RGL1: variants seen among roughly 807,000 people sequenced by gnomAD.
The protein encoded by RGL1 is ral guanine nucleotide dissociation stimulator like 1.
A neutral mutation model predicts 95.2 loss-of-function variants in RGL1; 24 were observed. That is an observed-to-expected ratio of 0.25 (90% CI 0.18 to 0.35). The LOEUF is 0.35. Ranked by LOEUF, RGL1 falls within the 10% of genes least tolerant of loss-of-function variation. The pLI is 1.00. For missense variants in RGL1, 715 were observed against 936.3 expected, an observed-to-expected ratio of 0.76 and a Z score of 3.08; for synonymous variants, 329 against 344.9, an observed-to-expected ratio of 0.95 and a Z score of 0.51.
intron 2 of RGL1, among the ~76,000 whole-genome samples, chr1:183,800,060 T>C (rs896828996): frequency 3.9e-5 from 6 of 152,194 alleles, no homozygotes; most frequent in African/African-American, 7.2e-5. Context: ...GTCAGACTCT[T>C]GGTTGGCAAG....
At chr1:183,714,929 T>A (rs1374337314) in intron 1 of RGL1, among the ~76,000 whole-genome samples, 1 of 151,838 alleles carries the variant, frequency 6.6e-6, no homozygotes, top group Non-Finnish European at 1.5e-5. Context: ...TGAACTGGGG[T>A]GGAGTGAGGA....
intron 1 of RGL1, among the ~76,000 whole-genome samples, chr1:183,727,787 A>G (rs1251715712): frequency 6.6e-6 from 1 of 152,214 alleles, no homozygotes; most frequent in African/African-American, 2.4e-5. Context: ...TTGCATTTCT[A>G]TATATTAGCA....
intron 1 of RGL1, among the ~76,000 whole-genome samples, chr1:183,694,397 T>A (rs1342945156): frequency 6.6e-6 from 1 of 152,228 alleles, no homozygotes; most frequent in African/African-American, 2.4e-5. Context: ...ACCCATATTC[T>A]TTACATTAAA....
At chr1:183,792,683 A>G (rs1660493347) in intron 2 of RGL1, among the ~76,000 whole-genome samples, 1 of 152,144 alleles carries the variant, frequency 6.6e-6, no homozygotes, top group Admixed American at 6.5e-5. Flanking sequence ...CTAGCTGAAA[A>G]AGAAATAAAG....
At chr1:183,721,828 C>G (rs1558172070) in intron 1 of RGL1, among the ~76,000 whole-genome samples, 1 of 152,164 alleles carries the variant, frequency 6.6e-6, no homozygotes, top group Non-Finnish European at 1.5e-5. Context: ...GGTTTAGCTC[C>G]CTTGCCTACT....
intron 1 of RGL1, among the ~76,000 whole-genome samples, chr1:183,691,338 G>A (rs1312993683): frequency 6.6e-6 from 1 of 152,190 alleles, no homozygotes; most frequent in Non-Finnish European, 1.5e-5. Context: ...AGATAGGAGT[G>A]ATGGATTTCT....
intron 15 of RGL1, among the ~76,000 whole-genome samples, chr1:183,915,787 C>G (rs1450338361): frequency 1.3e-5 from 2 of 152,176 alleles, no homozygotes; most frequent in Admixed American, 6.5e-5. Flanking sequence ...ACAGGCTGAG[C>G]CTTGGCCATG....
chr1:183,821,121 G>A lies in RGL1; in HGVS notation c.138+14636G>A, dbSNP rs369866851. On this transcript the variant is annotated intron_variant, in intron 2 of 17. Transcript: ENST00000360851. ...GCAGTCCAGCCTGGGCGACAAGAGCGAAACTCCGTCTAAAATAATAATAAT... is the reference window on the plus strand; with the variant it reads ...GCAGTCCAGCCTGGGCGACAAGAGCAAAACTCCGTCTAAAATAATAATAAT... Among the ~76,000 whole-genome samples the A allele has an allele frequency of 1.1e-3, 170 of 149,994 alleles. 1 individual carries two copies. Among genetic ancestry groups the A allele is most frequent in the Middle Eastern group, 3.4e-3 (1 of 290 alleles).
intron 2 of RGL1, among the ~76,000 whole-genome samples, chr1:183,786,537 A>G (rs180770595): frequency 1.3e-5 from 2 of 152,336 alleles, no homozygotes; most frequent in Admixed American, 6.5e-5. Context: ...AAATGTTCCA[A>G]TGAGCATTCC....
chr1:183,699,309 T>C (rs1022162858), intron 1 of RGL1, among the ~76,000 whole-genome samples: 22 of 152,210 alleles, frequency 1.4e-4, no homozygotes, highest in African/African-American at 5.3e-4. Context: ...TGAAACTATA[T>C]TGTAGTCCCA....
chr1:183,778,030 G>A (rs113090899), intron 2 of RGL1, among the ~76,000 whole-genome samples: 6 of 152,210 alleles, frequency 3.9e-5, no homozygotes, highest in African/African-American at 1.4e-4. Flanking sequence ...GCTGCAGCTC[G>A]GGGTAGCATT....
At chr1:183,771,671 TG>T (rs1383153495) in intron 2 of RGL1, among the ~76,000 whole-genome samples, 1 of 152,178 alleles carries the variant, frequency 6.6e-6, no homozygotes, top group African/African-American at 2.4e-5. Context: ...TTAAATGATA[TG>T]GAAGCGGGAA....
At chr1:183,860,430 T>A (rs1572515719) in intron 3 of RGL1, among the ~76,000 whole-genome samples, 1 of 152,338 alleles carries the variant, frequency 6.6e-6, no homozygotes, top group East Asian at 1.9e-4. Context: ...GCATCTGTCC[T>A]TGTCATCTCC....
At chr1:183,819,272 C>T (rs1203525922) in intron 2 of RGL1, among the ~76,000 whole-genome samples, 4 of 152,116 alleles carry the variant, frequency 2.6e-5, no homozygotes. Context: ...AGGTTATGCC[C>T]ATAATGATGA....
chr1:183,824,243 AC>A (rs1558230130), intron 2 of RGL1, among the ~76,000 whole-genome samples: 1 of 151,416 alleles, frequency 6.6e-6, no homozygotes, highest in Non-Finnish European at 1.5e-5. Context: ...CTTCTTGTAC[AC>A]CCTTTAGACA....
At chr1:183,842,879 A>G (rs1308318123) in intron 2 of RGL1, among the ~76,000 whole-genome samples, 1 of 152,266 alleles carries the variant, frequency 6.6e-6, no homozygotes, top group Non-Finnish European at 1.5e-5. Flanking sequence ...TTACAGACCT[A>G]TAGGAATCTT....
At chr1:183,647,554 T>G in intron 1 of RGL1, 2 of 1,405,504 alleles carry the variant, frequency 1.4e-6, no homozygotes, top group South Asian at 3.3e-5. Context: ...TAATTCAAGG[T>G]TTGCTTTTAG....
intron 16 of RGL1, among the ~76,000 whole-genome samples, chr1:183,919,991 G>A (rs535276535): frequency 2.0e-5 from 3 of 152,148 alleles, no homozygotes; most frequent in African/African-American, 7.2e-5. Flanking sequence ...GATTATATAT[G>A]CTGATGTAAT....
intron 1 of RGL1, among the ~76,000 whole-genome samples, chr1:183,683,189 T>A (rs1653343400): frequency 1.3e-5 from 2 of 152,230 alleles, no homozygotes; most frequent in Non-Finnish European, 2.9e-5. Flanking sequence ...AATATTGTTA[T>A]GTGTGAATTT....
Sources: gnomAD v4.1 joint callset for allele counts (sites outside exome capture counted in the v4.1 genomes callset) on GRCh38, gnomAD v4.1.1 for gene constraint, MANE v1.5 for transcripts, NCBI Gene and HGNC (gene_info 2026-07-23, HGNC 2026-07-21) for gene names.